RIMS2: variants seen among roughly 807,000 people sequenced by gnomAD.
RIMS2 encodes the protein regulating synaptic membrane exocytosis 2.
A neutral mutation model predicts 174.4 loss-of-function variants in RIMS2; 59 were observed. The observed-to-expected ratio is 0.34, with a 90% CI of 0.27 to 0.42. The LOEUF (loss-of-function observed/expected upper bound fraction) is 0.42. Ranked by LOEUF, RIMS2 falls within the 10% of genes least tolerant of loss-of-function variation. The pLI, the probability that RIMS2 is intolerant of heterozygous loss-of-function variation, is 1.00. For synonymous variants in RIMS2, 606 were observed against 572.5 expected (o/e 1.06, Z -0.84); for missense variants, 1,620 against 1,666.3 (o/e 0.97, Z 0.48).
chr8:103,998,355 G>A, intron 17 of RIMS2: 1 of 601,176 alleles, frequency 1.7e-6, no homozygotes, highest in Non-Finnish European at 2.8e-6. Flanking sequence ...TACATATATG[G>A]TTGTTAATGA....
chr8:104,006,668 C>CTCTG (rs2095595213), intron 17 of RIMS2, among the ~76,000 whole-genome samples: 13 of 139,412 alleles, frequency 9.3e-5, no homozygotes, highest in African/African-American at 3.4e-4. Context: ...CTCTCTCTCT[C>CTCTG]TGTGTCTCTC....
intron 1 of RIMS2, among the ~76,000 whole-genome samples, chr8:103,584,527 A>T (rs1486626287): frequency 6.6e-6 from 1 of 152,192 alleles, no homozygotes; most frequent in Non-Finnish European, 1.5e-5. Flanking sequence ...AATAACTACA[A>T]CATTTTAAGA....
chr8:104,085,064 C>G (rs1250885761), intron 19 of RIMS2, among the ~76,000 whole-genome samples: 1 of 152,100 alleles, frequency 6.6e-6, no homozygotes, highest in East Asian at 1.9e-4. Flanking sequence ...TGACACAGAC[C>G]AGGAAGAATT....
intron 2 of RIMS2, among the ~76,000 whole-genome samples, chr8:103,731,120 A>G (rs73290002): frequency 5.3e-5 from 8 of 152,248 alleles, no homozygotes; most frequent in Non-Finnish European, 7.4e-5. Context: ...GCATGATTCA[A>G]TTACCTCCCA....
chr8:104,201,140 C>T (rs1444000093), intron 19 of RIMS2, among the ~76,000 whole-genome samples: 1 of 152,086 alleles, frequency 6.6e-6, no homozygotes, highest in African/African-American at 2.4e-5. Flanking sequence ...CCACCCTCTC[C>T]CCTCAAGTAG....
At chr8:103,636,232 G>A (rs543017937) in intron 1 of RIMS2, among the ~76,000 whole-genome samples, 52 of 152,338 alleles carry the variant, frequency 3.4e-4, no homozygotes, top group Admixed American at 7.2e-4. Context: ...AGTGGGGCCT[G>A]CGGGCTGTTG....
At chr8:104,041,465 T>A (rs1455944158) in intron 19 of RIMS2, 107 bp downstream of exon 22, 1 of 546,632 alleles carries the variant, frequency 1.8e-6, no homozygotes, top group African/African-American at 1.9e-5. Flanking sequence ...CTTTGTAATA[T>A]AACAAAATAT....
chr8:104,176,786 A>T (rs1410092017), intron 19 of RIMS2, among the ~76,000 whole-genome samples: 1 of 151,966 alleles, frequency 6.6e-6, no homozygotes, highest in Non-Finnish European at 1.5e-5. Context: ...TATTTTTTCC[A>T]CGAGGCCTTC....
intron 2 of RIMS2, among the ~76,000 whole-genome samples, chr8:103,754,552 G>T (rs554800982): frequency 3.3e-4 from 51 of 152,242 alleles, no homozygotes; most frequent in African/African-American, 1.2e-3. Context: ...CATTATTATT[G>T]TGTGGGAGTC....
intron 19 of RIMS2, among the ~76,000 whole-genome samples, chr8:104,101,842 A>C (rs78419900): frequency 0.022 from 3,345 of 152,252 alleles, 128 homozygotes; most frequent in African/African-American, 0.076. Context: ...AACTTTATTT[A>C]GAATTTGATC....
At chr8:103,725,594 T>C (rs75815845) in intron 2 of RIMS2, among the ~76,000 whole-genome samples, 1,740 of 152,344 alleles carry the variant, frequency 0.011, 23 homozygotes, top group South Asian at 0.049. Flanking sequence ...TATATGAATA[T>C]GCCACAATTT....
chr8:104,076,994 G>A (rs563482287), intron 19 of RIMS2, among the ~76,000 whole-genome samples: 29 of 151,304 alleles, frequency 1.9e-4, no homozygotes, highest in African/African-American at 5.6e-4. Flanking sequence ...TTTTTTTGTC[G>A]TTTTAGTAAA....
chr8:103,564,888 AC>A (rs1268908915), intron 1 of RIMS2, among the ~76,000 whole-genome samples: 1 of 152,176 alleles, frequency 6.6e-6, no homozygotes, highest in Non-Finnish European at 1.5e-5. Flanking sequence ...CGCTGGTCTT[AC>A]CATTTTTTAG....
chr8:103,584,863 G>A (rs1563885828), intron 1 of RIMS2, among the ~76,000 whole-genome samples: 2 of 152,116 alleles, frequency 1.3e-5, no homozygotes, highest in African/African-American at 4.8e-5. Flanking sequence ...TTTAAAAATG[G>A]CAGGAGTAAG....
chr8:104,128,561 G>A (rs1411772948), intron 19 of RIMS2, among the ~76,000 whole-genome samples: 10 of 152,216 alleles, frequency 6.6e-5, no homozygotes, highest in African/African-American at 2.2e-4. Context: ...GCTGGGCGTA[G>A]TGGCACATGC....
chr8:103,766,399 C>A, exon 3 of RIMS2: 4 of 1,613,784 alleles, frequency 2.5e-6, no homozygotes, highest in Non-Finnish European at 3.4e-6. Context: ...CATGAGCAGA[C>A]CCAGTTCCAA....
intron 1 of RIMS2, among the ~76,000 whole-genome samples, chr8:103,567,355 AATCTCTT>A (rs957672019): frequency 6.6e-6 from 1 of 152,040 alleles, no homozygotes; most frequent in Non-Finnish European, 1.5e-5. Context: ...GGCAACCACT[AATCTCTT>A]TTCTGTCTCT....
intron 3 of RIMS2, among the ~76,000 whole-genome samples, chr8:103,805,377 TG>T (rs2098643405): frequency 6.6e-6 from 1 of 152,122 alleles, no homozygotes; most frequent in Non-Finnish European, 1.5e-5. Context: ...CAGCTACTCT[TG>T]TTTTTTTAAA....
At chr8:103,538,652 G>T (rs1389169632) in intron 1 of RIMS2, among the ~76,000 whole-genome samples, 1 of 152,156 alleles carries the variant, frequency 6.6e-6, no homozygotes, top group Non-Finnish European at 1.5e-5. Flanking sequence ...AAGTAGCTGG[G>T]ACTGCAGGCA....
Sources: allele counts gnomAD v4.1 joint callset (sites outside exome capture counted in the v4.1 genomes callset), GRCh38; gene constraint gnomAD v4.1.1; transcripts MANE v1.5; gene names NCBI Gene and HGNC (gene_info 2026-07-23, HGNC 2026-07-21).